The following IDE variants were observed in gnomAD, a reference collection of about 807,000 sequenced individuals.
The protein encoded by IDE is insulin-degrading enzyme.
IDE carries 58 observed loss-of-function variants against 133.2 expected under a neutral mutation model. That is an observed-to-expected ratio of 0.44 (90% CI 0.35 to 0.54). IDE has a LOEUF of 0.54. Ranked by LOEUF, IDE falls within the 20% of genes least tolerant of loss-of-function variation. The pLI is 0.00. For missense variants in IDE, 981 were observed against 1,234.0 expected (o/e 0.79, Z 3.07); for synonymous variants, 396 against 421.3 (o/e 0.94, Z 0.73).
Position 92,553,015 on chromosome 10 carries a change from C to T in IDE, c.99-15465G>A, listed in dbSNP as rs147053058. 4.7e-4 allele frequency among the ~76,000 whole-genome samples: 71 copies of T among 151,986 alleles called. No homozygotes were observed. In the East Asian group the frequency reaches 0.013, roughly 28 times the overall value. The stretch of plus-strand genomic sequence containing the variant: ...ATACACAGGAGCCAAAATGAAGAAA[C>T]TCCTAAGGGTCCAAGCCATAATAAT... On this transcript the variant is annotated intron_variant, in intron 1 of 24. Coordinates refer to ENST00000265986, the MANE Select transcript of IDE (RefSeq NM_004969.4).
chr10:92,535,897 G>A (rs748816706), intron 2 of IDE, among the ~76,000 whole-genome samples: 12 of 151,904 alleles, frequency 7.9e-5, no homozygotes, highest in African/African-American at 1.2e-4. Context: ...TTAGCTGGGC[G>A]TGGTGGCGGG....
intron 1 of IDE, among the ~76,000 whole-genome samples, chr10:92,563,513 G>A (rs1416064136): frequency 2.6e-5 from 4 of 151,810 alleles, no homozygotes; most frequent in African/African-American, 9.7e-5. Flanking sequence ...AGCACTTTGG[G>A]AGGCTGAGGC....
intron 17 of IDE, among the ~76,000 whole-genome samples, chr10:92,473,481 T>C (rs1470909036): frequency 1.3e-5 from 2 of 151,866 alleles, no homozygotes; most frequent in East Asian, 1.9e-4. Context: ...GTATAATCAC[T>C]GCTCTTAAGG....
Position 92,470,354 on chromosome 10 carries a change from G to T in IDE, c.2117-9C>A. Reference sequence around the variant, plus strand: ...GCGAGGAAGGGTTACATCTGCAAAGGTGTAAGAAGACATAGTGAGCGCTAC... The same window carrying T: ...GCGAGGAAGGGTTACATCTGCAAAGTTGTAAGAAGACATAGTGAGCGCTAC... On this transcript the variant is annotated splice_polypyrimidine_tract_variant and intron_variant, in intron 17 of 24. Coordinates refer to ENST00000265986, the MANE Select transcript of IDE (RefSeq NM_004969.4). 6.4e-7 allele frequency: 1 copy of T among 1,567,080 alleles called. No individual in the cohort carries two copies. The highest frequency in any genetic ancestry group is 1.7e-4 in the Middle Eastern group (1 of 5,924).
intron 17 of IDE, among the ~76,000 whole-genome samples, chr10:92,473,681 T>C (rs1295416073): frequency 6.6e-6 from 1 of 151,852 alleles, no homozygotes; most frequent in East Asian, 1.9e-4. Flanking sequence ...GCTAACTTTT[T>C]CTTAAAACTT....
intron 1 of IDE, among the ~76,000 whole-genome samples, chr10:92,557,076 T>C (rs913683163): frequency 6.6e-6 from 1 of 152,126 alleles, no homozygotes; most frequent in African/African-American, 2.4e-5. Flanking sequence ...CTAAGCCTCC[T>C]TTTTTGCAGA....
intron 5 of IDE, among the ~76,000 whole-genome samples, 176 bp downstream of exon 5, chr10:92,514,744 C>T (rs1848811528): frequency 6.6e-6 from 1 of 152,136 alleles, no homozygotes; most frequent in African/African-American, 2.4e-5. Context: ...CTTTTGGGAA[C>T]ACAATGATTT....
chr10:92,510,654 T>C (rs1183936060), intron 5 of IDE, among the ~76,000 whole-genome samples: 1 of 151,556 alleles, frequency 6.6e-6, no homozygotes, highest in Non-Finnish European at 1.5e-5. Flanking sequence ...ATATATGATA[T>C]ATATCACATA....
chr10:92,456,588 C>CTTTGGG (rs1375051612), intron 22 of IDE, among the ~76,000 whole-genome samples, 157 bp from the exon 23 acceptor site: 1 of 152,112 alleles, frequency 6.6e-6, no homozygotes, highest in Non-Finnish European at 1.5e-5. Context: ...CCTGTAATCC[C>CTTTGGG]AGCACTTTGG....
Position 92,508,763 on chromosome 10 carries a change from C to G in IDE, c.1025G>C (p.Gly342Ala). The G allele has an allele frequency of 6.2e-7, 1 of 1,614,040 alleles. No homozygotes were observed. Among genetic ancestry groups the G allele is most frequent in the Non-Finnish European group, 8.5e-7 (1 of 1,179,980 alleles). Residue 342 changes from glycine to alanine, a missense_variant, in exon 7 of 25, where the codon GGT becomes GCT. Physicochemically the swap from Gly to Ala is moderately conservative, Grantham distance 60. This residue lies in a region of IDE where 660 missense variants were observed against 894.7 expected (regional missense o/e 0.74). Transcript: ENST00000265986. ...HYLGHLIGHEGPGSLLSELKS... is the reference protein window; with the variant it reads ...HYLGHLIGHEAPGSLLSELKS... ...AAGTTCTGATAACAGACTTCCAGGA[C>G]CTTCATGCCCAATGAGATGACCAAG... is the stretch of plus-strand genomic sequence containing the variant.
chr10:92,547,107 G>C (rs1015129832), intron 1 of IDE, among the ~76,000 whole-genome samples: 5 of 151,900 alleles, frequency 3.3e-5, no homozygotes, highest in African/African-American at 1.2e-4. Context: ...TGTAAGATAG[G>C]GTCTCACTCC....
chr10:92,509,112 T>C lies in IDE; in HGVS notation c.898-222A>G, dbSNP rs547532443. Among the ~76,000 whole-genome samples, 8 of 152,318 alleles carry C rather than the reference T, an allele frequency of 5.3e-5. No individual in the cohort carries two copies. In the South Asian group the frequency reaches 1.7e-3, roughly 32 times the overall value. On this transcript the variant is annotated intron_variant, in intron 6 of 24. Coordinates refer to ENST00000265986, the MANE Select transcript of IDE (RefSeq NM_004969.4). ...AGTCCATGTTTGACCCCCTGAACCA[T>C]GCAGCTAAATATTAATGGTTTTGAA...
intron 3 of IDE, among the ~76,000 whole-genome samples, chr10:92,533,399 G>A (rs1270111429): frequency 1.3e-5 from 2 of 152,098 alleles, no homozygotes; most frequent in Non-Finnish European, 1.5e-5. Flanking sequence ...AGACTACTTT[G>A]GCCCAGCACA....
intron 1 of IDE, among the ~76,000 whole-genome samples, chr10:92,557,451 G>A (rs572992331): frequency 5.9e-5 from 9 of 152,090 alleles, no homozygotes; most frequent in Non-Finnish European, 1.0e-4. Flanking sequence ...CAGGAGAATG[G>A]TGTGAACCTG....
At chr10:92,568,761 A>G (rs1005999307) in intron 1 of IDE, among the ~76,000 whole-genome samples, 1 of 152,062 alleles carries the variant, frequency 6.6e-6, no homozygotes, top group South Asian at 2.1e-4. Flanking sequence ...GGTTGCAGTG[A>G]GCCGAGATTG....
chr10:92,458,855 C>T (rs1845191897), intron 22 of IDE, among the ~76,000 whole-genome samples: 1 of 152,008 alleles, frequency 6.6e-6, no homozygotes, highest in Admixed American at 6.6e-5. Flanking sequence ...TGGTCTTGAA[C>T]TCCTGGGCTC....
chr10:92,533,671 T>C (rs1225075779), intron 3 of IDE, among the ~76,000 whole-genome samples: 1 of 140,598 alleles, frequency 7.1e-6, no homozygotes, highest in Non-Finnish European at 1.5e-5. Flanking sequence ...AAATCACTGA[T>C]GCAACAAAAA....
At chr10:92,531,687 T>C in intron 4 of IDE, 61 bp downstream of exon 4, 1 of 797,560 alleles carries the variant, frequency 1.3e-6, no homozygotes. Flanking sequence ...ATACATAAAA[T>C]ATAATACTAT....
At chr10:92,501,342 AC>A (rs1198408205) in intron 11 of IDE, among the ~76,000 whole-genome samples, 1 of 129,426 alleles carries the variant, frequency 7.7e-6, no homozygotes, top group African/African-American at 2.9e-5. Flanking sequence ...AGCCCGGGCA[AC>A]AGAGCAAGAC....
Sources: allele counts gnomAD v4.1 joint callset (sites outside exome capture counted in the v4.1 genomes callset), GRCh38; gene constraint gnomAD v4.1.1; regional missense constraint gnomAD v4.1.1; transcripts MANE v1.5; gene names NCBI Gene and HGNC (gene_info 2026-07-23, HGNC 2026-07-21).